Variants in RBPJ observed in about 807,000 individuals in gnomAD.
The protein encoded by RBPJ is recombining binding protein suppressor of hairless.
RBPJ carries 9 observed loss-of-function variants against 67.8 expected under a neutral mutation model. The observed-to-expected ratio is 0.13, with a 90% CI of 0.08 to 0.23. The LOEUF (loss-of-function observed/expected upper bound fraction) is 0.23, where lower values mean the gene tolerates loss of function less well. Ranked by LOEUF, RBPJ falls within the 10% of genes least tolerant of loss-of-function variation. The pLI, the probability that RBPJ is intolerant of heterozygous loss-of-function variation, is 1.00. For synonymous variants in RBPJ, 198 were observed against 203.3 expected (o/e 0.97, Z 0.22); for missense variants, 305 against 595.6 (o/e 0.51, Z 5.08).
rs1161591860 is a variant in RBPJ at position 26,244,275 on chromosome 4, A to ATG, written c.-167+80667_-167+80668dup. ...CACATACACATATGTGTACACATAT[A>ATG]TGTGTGTATATGTATACACATATGT... On this transcript the variant is annotated intron_variant, in intron 1 of 4. Coordinates refer to the RBPJ transcript ENST00000512351. 6.6e-3 allele frequency among the ~76,000 whole-genome samples: 9 copies of ATG among 1,356 alleles called. No individual in the cohort carries two copies. In the East Asian group the frequency reaches 0.17, roughly 25 times the overall value. The allele number at this position is 1,356 out of a possible 152,430, so 0.9% of individuals were successfully genotyped here. A position where few individuals can be genotyped will look rare whatever the true frequency, so the allele number is the denominator to read the frequency against.
the RBPJ span, among the ~76,000 whole-genome samples, chr4:26,122,451 G>C: frequency 2.6e-5 from 4 of 152,186 alleles, no homozygotes; most frequent in Non-Finnish European, 4.4e-5. Flanking sequence ...TAGAATGTGG[G>C]TATTGTAGGT....
chr4:26,106,579 G>A, the RBPJ span, among the ~76,000 whole-genome samples: 2 of 152,130 alleles, frequency 1.3e-5, no homozygotes, highest in Non-Finnish European at 2.9e-5. Flanking sequence ...TCTAGAGCAC[G>A]CAGCTTTTGC....
chr4:26,327,748 G>T (rs1262925483), intron 1 of RBPJ, among the ~76,000 whole-genome samples: 2 of 152,016 alleles, frequency 1.3e-5, no homozygotes, highest in Non-Finnish European at 2.9e-5. Context: ...GGGAGGCTGA[G>T]GTAGGAGGAT....
chr4:26,268,390 A>G (rs548865340), intron 1 of RBPJ, among the ~76,000 whole-genome samples: 1 of 152,194 alleles, frequency 6.6e-6, no homozygotes, highest in African/African-American at 2.4e-5. Context: ...CTCCAATACC[A>G]GGATGCCCTT....
At chr4:26,258,297 G>A (rs1469107043) in intron 1 of RBPJ, among the ~76,000 whole-genome samples, 1 of 152,180 alleles carries the variant, frequency 6.6e-6, no homozygotes, top group Non-Finnish European at 1.5e-5. Context: ...TGTCTCTCCT[G>A]CCTCTGTTCT....
chr4:26,337,106 C>A (rs538834908), intron 1 of RBPJ, among the ~76,000 whole-genome samples: 3 of 151,436 alleles, frequency 2.0e-5, no homozygotes, highest in African/African-American at 7.3e-5. Flanking sequence ...GGATTACAGG[C>A]GACAGCCACC....
chr4:26,366,983 G>A (rs1728698106), intron 1 of RBPJ, among the ~76,000 whole-genome samples: 1 of 151,498 alleles, frequency 6.6e-6, no homozygotes, highest in African/African-American at 2.4e-5. Flanking sequence ...AATTAGCCAG[G>A]CATGGTGGCA....
At chr4:26,145,080 C>A in the RBPJ span, among the ~76,000 whole-genome samples, 2 of 134,172 alleles carry the variant, frequency 1.5e-5, no homozygotes, top group Non-Finnish European at 3.1e-5. Flanking sequence ...TTACATTTTT[C>A]TGAGTTTCAT....
At position 26,370,539 on chromosome 4, in the gene RBPJ, A is replaced by T. The variant is rs76613399; in HGVS notation, c.21-15814A>T. Among the ~76,000 whole-genome samples, 790 of 152,278 alleles carry T rather than the reference A, an allele frequency of 5.2e-3. 8 individuals carry two copies. Among genetic ancestry groups the T allele is most frequent in the African/African-American group, 0.018 (742 of 41,552 alleles). On this transcript the variant is annotated intron_variant, in intron 1 of 10. Coordinates refer to ENST00000355476, the MANE Select transcript of RBPJ (RefSeq NM_015874.6). ...AACAAAACTACATCAGGGAATTTGT[A>T]AGGTGTATTGAGAGACTCCCATTTA... is the stretch of plus-strand genomic sequence containing the variant.
At chr4:26,372,082 G>T (rs1165424562) in intron 1 of RBPJ, among the ~76,000 whole-genome samples, 3 of 152,204 alleles carry the variant, frequency 2.0e-5, no homozygotes, top group African/African-American at 7.2e-5. Flanking sequence ...TACACATAAG[G>T]AGATGTATTT....
the RBPJ span, among the ~76,000 whole-genome samples, chr4:26,115,069 T>G: frequency 2.0e-5 from 3 of 152,220 alleles, no homozygotes; most frequent in Admixed American, 2.0e-4. Context: ...CCACATTCAG[T>G]ACTATTTTGT....
the RBPJ span, among the ~76,000 whole-genome samples, chr4:26,145,624 C>A: frequency 1.3e-5 from 2 of 152,124 alleles, no homozygotes; most frequent in Non-Finnish European, 2.9e-5. Context: ...TTCTAAAATG[C>A]TGGGTGGGAA....
chr4:26,343,739 CTTTTTTTTTTTTTT>C (rs71186404), intron 1 of RBPJ, among the ~76,000 whole-genome samples: 5 of 55,836 alleles, frequency 9.0e-5, no homozygotes, highest in East Asian at 5.0e-4. Context: ...TTTCTTTCTT[CTTTTTTTTTTTTTT>C]TTTTTTTTTT....
intron 1 of RBPJ, among the ~76,000 whole-genome samples, chr4:26,266,437 T>C (rs142889116): frequency 3.5e-4 from 53 of 152,252 alleles, no homozygotes; most frequent in African/African-American, 1.1e-3. Context: ...TATGGAGAAA[T>C]AGGATTGCAC....
chr4:26,361,054 TGTGC>T (rs1395759210), intron 1 of RBPJ, among the ~76,000 whole-genome samples: 16 of 147,984 alleles, frequency 1.1e-4, no homozygotes, highest in Middle Eastern at 3.5e-3. Context: ...AGTGAGTGTG[TGTGC>T]GTGTGTGTGT....
chr4:26,214,346 AG>A (rs1718542988), intron 1 of RBPJ, among the ~76,000 whole-genome samples: 1 of 132,648 alleles, frequency 7.5e-6, no homozygotes, highest in Admixed American at 7.4e-5. Context: ...AAGAAAGAAA[AG>A]GAAGAGAAAG....
intron 1 of RBPJ, among the ~76,000 whole-genome samples, chr4:26,297,587 GC>G (rs1721923621): frequency 6.6e-6 from 1 of 151,944 alleles, no homozygotes; most frequent in Admixed American, 6.6e-5. Flanking sequence ...GTGGCGACTG[GC>G]TAAAGAGACA....
intron 2 of RBPJ, among the ~76,000 whole-genome samples, chr4:26,400,721 G>A (rs1484239158): frequency 6.6e-6 from 1 of 152,078 alleles, no homozygotes; most frequent in Non-Finnish European, 1.5e-5. Context: ...TTACCTTGAG[G>A]CTCTAGTTAC....
intron 1 of RBPJ, among the ~76,000 whole-genome samples, chr4:26,350,135 A>G (rs1022831149): frequency 6.6e-6 from 1 of 152,216 alleles, no homozygotes; most frequent in Non-Finnish European, 1.5e-5. Flanking sequence ...GTAGTTGAGA[A>G]TGTTTTCCTG....
Sources: gnomAD v4.1 joint callset for allele counts (sites outside exome capture counted in the v4.1 genomes callset) on GRCh38, gnomAD v4.1.1 for gene constraint, MANE v1.5 for transcripts, NCBI Gene and HGNC (gene_info 2026-07-23, HGNC 2026-07-21) for gene names.